NEK11: variants seen among roughly 807,000 people sequenced by gnomAD.
NEK11 encodes NIMA related kinase 11.
In NEK11, 72 loss-of-function variants were observed where a neutral mutation model predicts 80.7. The observed-to-expected ratio is 0.89, with a 90% CI of 0.74 to 1.08. NEK11 has a LOEUF of 1.08. Ranked by LOEUF, NEK11 falls within the 50% of genes least tolerant of loss-of-function variation. The pLI is 0.00. For synonymous variants in NEK11, 251 were observed against 260.7 expected (o/e 0.96, Z 0.36); for missense variants, 764 against 763.6 (o/e 1.00, Z -0.01).
chr3:131,134,010 A>G, intron 7 of NEK11, 54 bp downstream of exon 7: 1 of 1,479,784 alleles, frequency 6.8e-7, no homozygotes. Context: ...AGAATGGTAC[A>G]TTTTGTCTTT....
intron 17 of NEK11, chr3:131,330,602 T>A (rs1433978117): frequency 1.3e-5 from 2 of 152,228 alleles, no homozygotes; most frequent in Non-Finnish European, 2.9e-5. Flanking sequence ...TCCAATTTCC[T>A]AAAATTTAAA....
intron 3 of NEK11, among the ~76,000 whole-genome samples, chr3:131,044,422 CAAAAAAA>C (rs57412173): frequency 2.6e-5 from 1 of 37,764 alleles, no homozygotes; most frequent in Non-Finnish European, 3.9e-5. Context: ...AAATGGAAAG[CAAAAAAA>C]AAAAAAAAAA....
chr3:131,075,767 A>G (rs1326394133), intron 3 of NEK11, among the ~76,000 whole-genome samples: 2 of 152,190 alleles, frequency 1.3e-5, no homozygotes, highest in African/African-American at 4.8e-5. Context: ...AACACCTGAA[A>G]GTACTTCTGT....
At chr3:131,201,447 G>A (rs1461155854) in intron 14 of NEK11, among the ~76,000 whole-genome samples, 2 of 151,996 alleles carry the variant, frequency 1.3e-5, no homozygotes, top group African/African-American at 4.8e-5. Context: ...GGTATTGTTT[G>A]GGAGGTATCA....
chr3:131,103,085 A>G (rs1338363613), intron 4 of NEK11, among the ~76,000 whole-genome samples: 5 of 152,096 alleles, frequency 3.3e-5, no homozygotes, highest in Non-Finnish European at 1.5e-5. Flanking sequence ...AATTCCTTGG[A>G]ATCCTTGGGT....
At chr3:131,242,549 G>A (rs1033572650) in intron 15 of NEK11, among the ~76,000 whole-genome samples, 4 of 152,092 alleles carry the variant, frequency 2.6e-5, no homozygotes, top group Non-Finnish European at 5.9e-5. Flanking sequence ...CCTGAAAGAT[G>A]TTTTCTTTGA....
intron 4 of NEK11, among the ~76,000 whole-genome samples, chr3:131,097,586 G>GT (rs1215470188): frequency 2.6e-5 from 4 of 152,008 alleles, no homozygotes; most frequent in Admixed American, 2.6e-4. Flanking sequence ...GGGGTTGTTT[G>GT]TTTTTTTCTT....
intron 17 of NEK11, among the ~76,000 whole-genome samples, chr3:131,278,613 T>C (rs1450537394): frequency 6.6e-6 from 1 of 152,106 alleles, no homozygotes; most frequent in Non-Finnish European, 1.5e-5. Context: ...CCTGGCTCCA[T>C]GCTCCCACTA....
intron 16 of NEK11, 25 bp downstream of exon 16, chr3:131,243,521 A>G: frequency 2.5e-6 from 4 of 1,580,576 alleles, no homozygotes; most frequent in Non-Finnish European, 3.5e-6. Flanking sequence ...TTAGGCTTCA[A>G]AATACATTGA....
At chr3:131,223,941 CTT>C (rs906541296) in intron 14 of NEK11, among the ~76,000 whole-genome samples, 24 of 152,166 alleles carry the variant, frequency 1.6e-4, no homozygotes, top group African/African-American at 5.5e-4. Context: ...ATATTTTAAA[CTT>C]GAGTATATAT....
At chr3:131,097,939 G>A (rs2077709726) in intron 4 of NEK11, among the ~76,000 whole-genome samples, 2 of 145,612 alleles carry the variant, frequency 1.4e-5, no homozygotes, top group East Asian at 3.8e-4. Context: ...AAACAGCATG[G>A]TACTGGTACC....
In NEK11 at chr3:131,311,962, C is replaced by T. The variant is rs557022664; in HGVS notation, c.1719-37595C>T. Among the ~76,000 whole-genome samples the T allele has an allele frequency of 8.5e-5, 13 of 152,204 alleles. No homozygotes were observed. The East Asian group carries it at 1.2e-3, about 14-fold the overall frequency. On this transcript the variant is annotated intron_variant, in intron 17 of 17. Transcript: ENST00000383366. Reference sequence around the variant, plus strand: ...TGATTTGAAATAACTGGTTGGGTAACGTATCTTAGGAAAATGTTAGAACCT... The same window carrying T: ...TGATTTGAAATAACTGGTTGGGTAATGTATCTTAGGAAAATGTTAGAACCT...
At chr3:131,051,012 G>A (rs191715844) in intron 3 of NEK11, among the ~76,000 whole-genome samples, 31 of 152,256 alleles carry the variant, frequency 2.0e-4, no homozygotes, top group African/African-American at 7.0e-4. Context: ...CATCCTAGGC[G>A]ACAGAGTGAG....
At chr3:131,347,193 GT>G (rs1248195143) in intron 17 of NEK11, among the ~76,000 whole-genome samples, 1 of 152,178 alleles carries the variant, frequency 6.6e-6, no homozygotes, top group Non-Finnish European at 1.5e-5. Context: ...AGCATCTGGT[GT>G]TTTAAGATCA....
chr3:131,345,965 T>C (rs2097356388), intron 17 of NEK11, among the ~76,000 whole-genome samples: 1 of 150,562 alleles, frequency 6.6e-6, no homozygotes, highest in African/African-American at 2.4e-5. Flanking sequence ...ATATATGGAA[T>C]ATTTAAAAAA....
At chr3:131,136,085 A>C (rs560609030) in intron 7 of NEK11, among the ~76,000 whole-genome samples, 9 of 152,104 alleles carry the variant, frequency 5.9e-5, no homozygotes. Context: ...AAAACCTCCA[A>C]AATATACAAA....
intron 17 of NEK11, among the ~76,000 whole-genome samples, chr3:131,273,804 C>T (rs984869269): frequency 6.6e-6 from 1 of 152,124 alleles, no homozygotes; most frequent in African/African-American, 2.4e-5. Flanking sequence ...TTGATTTGCA[C>T]TTATAGTATT....
intron 16 of NEK11, among the ~76,000 whole-genome samples, chr3:131,259,249 A>C (rs2095870296): frequency 6.6e-6 from 1 of 152,078 alleles, no homozygotes; most frequent in South Asian, 2.1e-4. Context: ...CTACTCCAGC[A>C]TCCTAATGTG....
At chr3:131,060,247 G>T (rs760557662) in intron 3 of NEK11, among the ~76,000 whole-genome samples, 1 of 152,184 alleles carries the variant, frequency 6.6e-6, no homozygotes, top group Non-Finnish European at 1.5e-5. Flanking sequence ...ATGAGCAAGG[G>T]TGAAGTTATC....
Sources: gnomAD v4.1 joint callset for allele counts (sites outside exome capture counted in the v4.1 genomes callset) on GRCh38, gnomAD v4.1.1 for gene constraint, MANE v1.5 for transcripts, NCBI Gene and HGNC (gene_info 2026-07-23, HGNC 2026-07-21) for gene names.